PFAS: variants seen among roughly 807,000 people sequenced by gnomAD.
PFAS encodes phosphoribosylformylglycinamidine synthase, also known as FGAM synthase.
A neutral mutation model predicts 140.6 loss-of-function variants in PFAS; 97 were observed. The observed-to-expected ratio is 0.69, with a 90% CI of 0.59 to 0.82. The LOEUF is 0.82. Ranked by LOEUF, PFAS falls within the 40% of genes least tolerant of loss-of-function variation. The pLI, the probability that PFAS is intolerant of heterozygous loss-of-function variation, is 0.00. For synonymous variants in PFAS, 679 were observed against 718.8 expected (o/e 0.94, Z 0.88); for missense variants, 1,656 against 1,780.2 (o/e 0.93, Z 1.26).
upstream of PFAS, chr17:8,247,816 C>G: frequency 1.6e-6 from 1 of 621,234 alleles, no homozygotes. Context: ...CAGCGGGCGC[C>G]GCGTGAATGA....
rs1414539522 is a variant in PFAS at position 8,266,880 on chromosome 17, G to A, written c.2949G>A (p.Glu983=). ...GCCTGGAGCTGGGCCACACAGGCGA[G>A]GCCGGGCCCCACGCCATGGTGAGGA... ...LHCLELGHTG[E]AGPHAMVRVS... is the part of the protein sequence containing the mutation. The change falls in exon 23 of 28, where the codon GAG becomes GAA. Residue 983 remains glutamate (E), a synonymous_variant. Transcript: ENST00000314666. This position sits in a 1 kb window ranked among gnomAD's most constrained non-coding sequence, Gnocchi z 5.0. 1 of 1,605,434 alleles carries A rather than the reference G, an allele frequency of 6.2e-7. No homozygotes were observed. The highest frequency in any genetic ancestry group is 2.2e-5 in the East Asian group (1 of 44,878).
At position 8,264,264 on chromosome 17, in the gene PFAS, A is replaced by C; in HGVS notation, c.1844A>C (p.Asp615Ala). Reference protein sequence around the residue: ...ECPVRRNGQGDAPPTPLPTPV... With the variant: ...ECPVRRNGQGAAPPTPLPTPV... The stretch of plus-strand genomic sequence containing the variant: ...CCTGTCAGAAGAAATGGCCAGGGGG[A>C]TGCCCCCCCGACACCCCTGCCAACC... Residue 615 changes from aspartate (D) to alanine (A), a missense_variant, in exon 16 of 28, where the codon GAT (aspartate) becomes GCT (alanine). This residue lies in a region of PFAS where 883 missense variants were observed against 1,023.0 expected (regional missense o/e 0.86). Coordinates refer to ENST00000314666, the MANE Select transcript of PFAS (RefSeq NM_012393.3). The C allele has an allele frequency of 6.2e-7, 1 of 1,610,706 alleles. No homozygotes were observed. The highest frequency in any genetic ancestry group is 8.5e-7 in the Non-Finnish European group (1 of 1,178,102).
Position 8,267,654 on chromosome 17 carries a change from G to C in PFAS, c.3371G>C (p.Gly1124Ala), listed in dbSNP as rs761275596. The change falls in exon 26 of 28, where the codon GGC (glycine) becomes GCC (alanine). Residue 1124 changes from glycine (G) to alanine (A), a missense_variant. Physicochemically the swap from Gly to Ala is moderately conservative, Grantham distance 60. Around this residue, in one of 2 missense-constraint regions of PFAS, gnomAD observed 883 missense variants for 1,023.0 expected, o/e 0.86. Coordinates refer to ENST00000314666, the MANE Select transcript of PFAS (RefSeq NM_012393.3). This position sits in a 1 kb window ranked among gnomAD's most constrained non-coding sequence, Gnocchi z 4.9. ...VGGFSYADVL[G>A]SAKGWAAAVT... ...GGCTTCAGCTATGCAGATGTCCTGG[G>C]CTCTGCCAAAGGTCAGTGTGCAGGC... The C allele has an allele frequency of 6.3e-7, 1 of 1,587,172 alleles. No individual in the cohort carries two copies. Among genetic ancestry groups the C allele is most frequent in the Non-Finnish European group, 8.6e-7 (1 of 1,156,172 alleles).
chr17:8,248,137 T>C, upstream of PFAS: 2 of 879,968 alleles, frequency 2.3e-6, no homozygotes, highest in Non-Finnish European at 3.7e-6. Context: ...GCGGGTTTCC[T>C]CGCCACCTCC....
intron 8 of PFAS, 71 bp downstream of exon 8, chr17:8,256,719 A>C (rs984494127): frequency 5.1e-6 from 8 of 1,568,906 alleles, no homozygotes; most frequent in East Asian, 2.2e-5. Context: ...AGGCCCCTGG[A>C]GTGGGCCTGG....
chr17:8,257,826 G>T lies in PFAS; in HGVS notation c.1095G>T (p.Glu365Asp). ...TCCCAGGTTACAATCTGCCCTGGGA[G>T]GATCCAAGCTTCCAGTATCCTGGGA... ...LHIPGYNLPWEDPSFQYPGNF... is the reference protein window; with the variant it reads ...LHIPGYNLPWDDPSFQYPGNF... Residue 365 changes from glutamate to aspartate, a missense_variant, in exon 10 of 28, where the codon GAG becomes GAT. Coordinates refer to ENST00000314666, the MANE Select transcript of PFAS (RefSeq NM_012393.3). 6.2e-7 allele frequency: 1 copy of T among 1,613,984 alleles called. No homozygotes were observed. The highest frequency in any genetic ancestry group is 8.5e-7 in the Non-Finnish European group (1 of 1,179,864).
chr17:8,255,965 C>A, intron 6 of PFAS, 55 bp downstream of exon 6: 1 of 1,307,102 alleles, frequency 7.7e-7, no homozygotes, highest in Non-Finnish European at 1.1e-6. Context: ...TGGGAGAGAC[C>A]ACAGGGGCTC....
At chr17:8,254,531 C>A (rs928555978) in intron 3 of PFAS, among the ~76,000 whole-genome samples, 1 of 152,162 alleles carries the variant, frequency 6.6e-6, no homozygotes, top group African/African-American at 2.4e-5. Flanking sequence ...TGGCCAGGCG[C>A]GGTGGCTCAC....
chr17:8,265,888 C>A lies in PFAS; in HGVS notation c.2572C>A (p.Pro858Thr). Residue 858 changes from proline to threonine, a missense_variant, in exon 21 of 28, where the codon CCT becomes ACT. Pro to Thr is a conservative substitution (Grantham distance 38). Around this residue, in one of 2 missense-constraint regions of PFAS, gnomAD observed 883 missense variants for 1,023.0 expected, o/e 0.86. Coordinates refer to ENST00000314666, the MANE Select transcript of PFAS (RefSeq NM_012393.3). ...RGHLLYVALSPGQHRLGGTAL... is the reference protein window; with the variant it reads ...RGHLLYVALSTGQHRLGGTAL... ...CCATCTGCTCTATGTGGCTCTGAGC[C>A]CTGGGCAGCACCGGCTCGGGGGCAC... 6.2e-7 allele frequency: 1 copy of A among 1,610,502 alleles called. No individual in the cohort carries two copies. The highest frequency in any genetic ancestry group is 1.1e-5 in the South Asian group (1 of 90,476).
Position 8,266,483 on chromosome 17 carries a change from G to C in PFAS, c.2821+130G>C. On this transcript the variant is annotated intron_variant, in intron 22 of 27. Coordinates refer to ENST00000314666, the MANE Select transcript of PFAS (RefSeq NM_012393.3). This position sits in a 1 kb window ranked among gnomAD's most constrained non-coding sequence, Gnocchi z 5.0. ...TGAGTCTTCCCTGACTAGCTTTTCT[G>C]TGCTGTCTCTCTGACAGCTGAACTG... 1 of 1,500,470 alleles carries C rather than the reference G, an allele frequency of 6.7e-7. No individual in the cohort carries two copies. Among genetic ancestry groups the C allele is most frequent in the Non-Finnish European group, 8.9e-7 (1 of 1,126,054 alleles). The allele number at this position is 1,500,470 out of a possible 1,614,324, so 92.9% of individuals were successfully genotyped here. A position where few individuals can be genotyped will look rare whatever the true frequency, so the allele number is the denominator to read the frequency against.
intron 14 of PFAS, 53 bp from the exon 15 acceptor site, chr17:8,263,715 AACATGAG>A: frequency 6.2e-7 from 1 of 1,603,194 alleles, no homozygotes; most frequent in Non-Finnish European, 8.5e-7. Context: ...CTCTTGCAAC[AACATGAG>A]ACGTGGGAGT....
At position 8,270,120 on chromosome 17, in the gene PFAS, CGCCT is replaced by C. The variant is rs1989966289; in HGVS notation, c.*861_*864del. ...CTCAAACTCCTAACCTCAAGTGATTCGCCTGCCTCGGCCTCCCAAAGTGCTGGGA... is the reference window on the plus strand; with the variant it reads ...CTCAAACTCCTAACCTCAAGTGATTCGCCTCGGCCTCCCAAAGTGCTGGGA... On this transcript the variant is annotated 3_prime_UTR_variant, in exon 28 of 28. Transcript: ENST00000314666. 6.6e-6 allele frequency: 1 copy of C among 152,084 alleles called. No individual in the cohort carries two copies. 9.4% of individuals were successfully genotyped at this position (152,084 alleles called of 1,614,324 possible).
At chr17:8,247,993 G>C (rs369233825), upstream of PFAS, 5 of 1,562,670 alleles carry the variant, frequency 3.2e-6, no homozygotes, top group African/African-American at 1.4e-5. Context: ...AGACGTAATA[G>C]CAGCACTCAC....
In PFAS at chr17:8,263,220, G is replaced by A. The variant is rs751638011; in HGVS notation, c.1522G>A (p.Gly508Arg). 5.6e-6 allele frequency: 9 copies of A among 1,614,018 alleles called. No homozygotes were observed. Among genetic ancestry groups the A allele is most frequent in the Non-Finnish European group, 6.8e-6 (8 of 1,180,026 alleles). ...VIRACVEAPK[G>R]NPICSLHDQG... The stretch of plus-strand genomic sequence containing the variant: ...CAGGGCTTGTGTGGAGGCCCCCAAG[G>A]GAAACCCCATCTGCAGCCTTCATGA... Residue 508 changes from glycine to arginine, a missense_variant, in exon 13 of 28, where the codon GGA becomes AGA. Around this residue, in one of 2 missense-constraint regions of PFAS, gnomAD observed 773 missense variants for 757.3 expected, o/e 1.02. Transcript: ENST00000314666.
chr17:8,263,373 C>G (rs1459734575), intron 13 of PFAS, 108 bp downstream of exon 13: 1 of 1,225,210 alleles, frequency 8.2e-7, no homozygotes, highest in Admixed American at 1.8e-5. Flanking sequence ...CTCTGGGTCC[C>G]ATTCTCCATG....
intron 13 of PFAS, 93 bp downstream of exon 13, chr17:8,263,358 C>G (rs1473674299): frequency 2.9e-6 from 4 of 1,371,776 alleles, no homozygotes; most frequent in Non-Finnish European, 4.1e-6. Context: ...CAACCAACCA[C>G]CCAGCTCTGG....
chr17:8,264,079 C>G, intron 15 of PFAS, 133 bp from the exon 16 acceptor site: 1 of 1,453,070 alleles, frequency 6.9e-7, no homozygotes, highest in Non-Finnish European at 9.6e-7. Flanking sequence ...ATGTTGGATC[C>G]AAGGAGGGGC....
At chr17:8,248,715 A>C (rs1988990768), upstream of PFAS, among the ~76,000 whole-genome samples, 1 of 151,298 alleles carries the variant, frequency 6.6e-6, no homozygotes. Flanking sequence ...GCACCGCCAC[A>C]CCCGGCTAAT....
At chr17:8,253,834 C>T (rs1298418916) in intron 1 of PFAS, 25 bp from the exon 2 acceptor site, 74 of 1,466,612 alleles carry the variant, frequency 5.0e-5, no homozygotes, top group Middle Eastern at 1.8e-4. Flanking sequence ...CCACCACGCC[C>T]GGCTTAGTTA....
Sources: allele counts gnomAD v4.1 joint callset (sites outside exome capture counted in the v4.1 genomes callset), GRCh38; gene constraint gnomAD v4.1.1; regional missense constraint gnomAD v4.1.1; non-coding constraint Gnocchi (gnomAD v3.1); transcripts MANE v1.5; gene names NCBI Gene and HGNC (gene_info 2026-07-23, HGNC 2026-07-21).